The following CEP128 variants were observed in gnomAD, a reference collection of about 807,000 sequenced individuals.
CEP128 encodes the protein centrosomal protein 128kDa.
A neutral mutation model predicts 156.7 loss-of-function variants in CEP128; 132 were observed. The observed-to-expected ratio is 0.84, with a 90% confidence interval of 0.73 to 0.97. CEP128 has a LOEUF of 0.97. CEP128 is among the 50% of genes least tolerant of loss of function. CEP128 has a pLI of 0.00. For missense variants in CEP128, 1,252 were observed against 1,281.9 expected (o/e 0.98, Z 0.36); for synonymous variants, 469 against 448.9 (o/e 1.04, Z -0.57).
intron 21 of CEP128, among the ~76,000 whole-genome samples, chr14:80,535,559 G>C (rs1246394793): frequency 2.0e-5 from 3 of 152,074 alleles, no homozygotes; most frequent in Non-Finnish European, 4.4e-5. Flanking sequence ...CTGTACTCAG[G>C]ACCACGTGTC....
intron 13 of CEP128, among the ~76,000 whole-genome samples, chr14:80,801,890 A>T (rs1883881003): frequency 8.6e-6 from 1 of 116,902 alleles, no homozygotes; most frequent in East Asian, 2.9e-4. Context: ...CCTGGGTGAC[A>T]GTGTGAGACT....
intron 19 of CEP128, among the ~76,000 whole-genome samples, chr14:80,583,439 G>A (rs1891673160): frequency 6.6e-6 from 1 of 151,982 alleles, no homozygotes; most frequent in Non-Finnish European, 1.5e-5. Flanking sequence ...CTTTCCTGCT[G>A]CAGAAGCAGG....
intron 19 of CEP128, among the ~76,000 whole-genome samples, chr14:80,636,870 T>C (rs1894203106): frequency 6.6e-6 from 1 of 152,082 alleles, no homozygotes; most frequent in South Asian, 2.1e-4. Context: ...GCAGATCACC[T>C]GAGGTCGGGA....
intron 21 of CEP128, among the ~76,000 whole-genome samples, chr14:80,550,812 T>TAA (rs35063739): frequency 0.058 from 7,959 of 137,078 alleles, 704 homozygotes; most frequent in African/African-American, 0.19. Context: ...ATGTGAAATG[T>TAA]AAAAAAAAAA....
chr14:80,573,746 T>C (rs1891242817), intron 20 of CEP128, among the ~76,000 whole-genome samples: 1 of 152,180 alleles, frequency 6.6e-6, no homozygotes, highest in Admixed American at 6.5e-5. Context: ...AGACTGCTAA[T>C]GCGTTCTTTC....
intron 21 of CEP128, among the ~76,000 whole-genome samples, chr14:80,533,451 C>T (rs1159385473): frequency 2.0e-5 from 3 of 152,166 alleles, no homozygotes; most frequent in Non-Finnish European, 4.4e-5. Context: ...CTGTAAAACG[C>T]AGCATGTTAA....
intron 19 of CEP128, among the ~76,000 whole-genome samples, chr14:80,632,459 T>C (rs1399807485): frequency 1.3e-5 from 2 of 148,824 alleles, no homozygotes; most frequent in African/African-American, 4.9e-5. Context: ...TTGTATATTA[T>C]ACATATGATA....
At chr14:80,680,732 G>C (rs543262043) in intron 19 of CEP128, among the ~76,000 whole-genome samples, 1 of 152,176 alleles carries the variant, frequency 6.6e-6, no homozygotes, top group East Asian at 1.9e-4. Flanking sequence ...TCACCATGCA[G>C]AGAAATTGGG....
At chr14:80,561,926 GT>G (rs1442235150) in intron 20 of CEP128, among the ~76,000 whole-genome samples, 1,980 of 116,886 alleles carry the variant, frequency 0.017, 50 homozygotes, top group African/African-American at 0.062. Context: ...GTTTTGTTTT[GT>G]TTTTGTTTTT....
At chr14:80,913,607 G>T (rs762228073) in intron 4 of CEP128, among the ~76,000 whole-genome samples, 13 of 152,192 alleles carry the variant, frequency 8.5e-5, no homozygotes, top group Non-Finnish European at 1.5e-4. Context: ...GCTTATAAAG[G>T]AGAGCTAAGC....
At chr14:80,920,606 GTTTACCTA>G (rs1363909609) in intron 2 of CEP128, among the ~76,000 whole-genome samples, 2 of 152,074 alleles carry the variant, frequency 1.3e-5, no homozygotes, top group Admixed American at 1.3e-4. Context: ...CTCAATTAAG[GTTTACCTA>G]TTATTTCATT....
intron 19 of CEP128, among the ~76,000 whole-genome samples, chr14:80,596,757 A>G (rs1303012064): frequency 8.4e-6 from 1 of 118,510 alleles, no homozygotes. Flanking sequence ...GTTGGTGGCT[A>G]TGTTCTCAGT....
At chr14:80,628,377 T>C (rs1459036553) in intron 19 of CEP128, among the ~76,000 whole-genome samples, 2 of 152,190 alleles carry the variant, frequency 1.3e-5, no homozygotes, top group Non-Finnish European at 1.5e-5. Context: ...GAGTGTCAAG[T>C]ATCAAATTAG....
At chr14:80,631,553 A>G (rs1354365313) in intron 19 of CEP128, among the ~76,000 whole-genome samples, 1 of 152,026 alleles carries the variant, frequency 6.6e-6, no homozygotes, top group East Asian at 1.9e-4. Context: ...GTTTGTTTCT[A>G]TATGTGATTC....
At chr14:80,513,272 T>C (rs1566749541) in intron 23 of CEP128, among the ~76,000 whole-genome samples, 1 of 152,318 alleles carries the variant, frequency 6.6e-6, no homozygotes, top group East Asian at 1.9e-4. Context: ...TTGTATTCCT[T>C]CAGCAATTTA....
exon 15 of CEP128, chr14:80,478,247 A>C (rs1886983180): frequency 6.6e-6 from 1 of 152,124 alleles, no homozygotes; most frequent in South Asian, 2.1e-4. Context: ...CCAGCATCTA[A>C]TCCCACCTGG....
At chr14:80,621,580 T>C (rs370091139) in intron 19 of CEP128, among the ~76,000 whole-genome samples, 1 of 152,222 alleles carries the variant, frequency 6.6e-6, no homozygotes, top group East Asian at 1.9e-4. Flanking sequence ...GCTACAGTAA[T>C]ATACTAACCA....
At chr14:80,722,346 C>T in intron 19 of CEP128, among the ~76,000 whole-genome samples, 1 of 152,144 alleles carries the variant, frequency 6.6e-6, no homozygotes, top group Non-Finnish European at 1.5e-5. Context: ...TTCCTGAACA[C>T]TGTGGTGACT....
chr14:80,553,020 T>C (rs1265209824), intron 21 of CEP128, among the ~76,000 whole-genome samples: 4 of 152,110 alleles, frequency 2.6e-5, no homozygotes, highest in Non-Finnish European at 5.9e-5. Flanking sequence ...ACTCAACAAT[T>C]TTTTTGTTCT....
Sources: allele counts gnomAD v4.1 joint callset (sites outside exome capture counted in the v4.1 genomes callset), GRCh38; gene constraint gnomAD v4.1.1; transcripts MANE v1.5; gene names NCBI Gene and HGNC (gene_info 2026-07-23, HGNC 2026-07-21).